The following PCDHGB5 variants were observed in gnomAD, a reference collection of about 807,000 sequenced individuals.
PCDHGB5 encodes protocadherin gamma-B5.
In PCDHGB5, 48 loss-of-function variants were observed where a neutral mutation model predicts 62.9. The ratio of observed to expected loss-of-function variants is 0.76; its 90% CI spans 0.61 to 0.97. The LOEUF (loss-of-function observed/expected upper bound fraction) is 0.97, where lower values mean the gene tolerates loss of function less well. Among genes scored for constraint, PCDHGB5 ranks in the 50% least tolerant of loss-of-function variants. The pLI is 0.00. For missense variants in PCDHGB5, 1,118 were observed against 1,198.6 expected, an observed-to-expected ratio of 0.93 and a Z score of 0.99; for synonymous variants, 474 against 511.2, an observed-to-expected ratio of 0.93 and a Z score of 0.98.
At chr5:141,437,249 T>G (rs2097870737) in intron 1 of PCDHGB5, among the ~76,000 whole-genome samples, 1 of 152,240 alleles carries the variant, frequency 6.6e-6, no homozygotes, top group African/African-American at 2.4e-5. Context: ...GGACTTTCCT[T>G]GTCTTTTTAT....
intron 1 of PCDHGB5, among the ~76,000 whole-genome samples, chr5:141,466,558 C>T (rs1407160827): frequency 6.6e-6 from 1 of 152,120 alleles, no homozygotes; most frequent in Non-Finnish European, 1.5e-5. Flanking sequence ...CTGTGGGCTT[C>T]ATCTTCAACA....
intron 1 of PCDHGB5, chr5:141,419,237 C>A (rs2096348240): frequency 6.2e-7 from 1 of 1,613,988 alleles, no homozygotes; most frequent in Non-Finnish European, 8.5e-7. Flanking sequence ...CTACCTGGTC[C>A]ACGTGCCAGA....
chr5:141,398,942 G>C lies in PCDHGB5; in HGVS notation c.815G>C (p.Gly272Ala), dbSNP rs748252181. ...LQVSATDQDE[G>A]INSEITYSFY... ...GTGTCAGCCACTGACCAAGACGAGG[G>C]CATCAACTCAGAAATTACTTATTCC... The change falls in exon 1 of 4, where the codon GGC becomes GCC. Residue 272 changes from glycine to alanine, a missense_variant. Physicochemically the swap from Gly to Ala is moderately conservative, Grantham distance 60. This residue lies in a region of PCDHGB5 where 1,034 missense variants were observed against 1,029.1 expected (regional missense o/e 1.00). Coordinates refer to ENST00000617380, the MANE Select transcript of PCDHGB5 (RefSeq NM_018925.3). 6.2e-7 allele frequency: 1 copy of C among 1,613,766 alleles called. No individual in the cohort carries two copies. Among genetic ancestry groups the C allele is most frequent in the Non-Finnish European group, 8.5e-7 (1 of 1,179,894 alleles).
intron 1 of PCDHGB5, chr5:141,415,556 CTT>C: frequency 6.2e-7 from 1 of 1,614,078 alleles, no homozygotes; most frequent in Non-Finnish European, 8.5e-7. Context: ...AAAAACGATC[CTT>C]TGTCTTTGTT....
intron 1 of PCDHGB5, chr5:141,424,664 A>G (rs923488035): frequency 1.3e-5 from 2 of 152,124 alleles, no homozygotes; most frequent in African/African-American, 4.8e-5. Context: ...CTTTAATTAA[A>G]CTGATTTAGC....
In PCDHGB5 at chr5:141,398,701, C is replaced by G. The variant is rs757215015; in HGVS notation, c.574C>G (p.Pro192Ala). Residue 192 changes from proline to alanine, a missense_variant, in exon 1 of 4, where the codon CCG becomes GCG. This residue lies in a region of PCDHGB5 where 1,034 missense variants were observed against 1,029.1 expected (regional missense o/e 1.00). Coordinates refer to ENST00000617380, the MANE Select transcript of PCDHGB5 (RefSeq NM_018925.3). ...GGAGAAACAGGATGGTAGTAAATAC[C>G]CGGAACTGGCACTGGAGAAAACCTT... is the stretch of plus-strand genomic sequence containing the variant. Reference protein sequence around the residue: ...IKEKQDGSKYPELALEKTLDR... With the variant: ...IKEKQDGSKYAELALEKTLDR... 6.2e-7 allele frequency: 1 copy of G among 1,613,658 alleles called. No homozygotes were observed. The highest frequency in any genetic ancestry group is 1.3e-5 in the African/African-American group (1 of 74,904).
chr5:141,401,353 AAGG>A (rs772220375), intron 1 of PCDHGB5, among the ~76,000 whole-genome samples: 7 of 152,166 alleles, frequency 4.6e-5, no homozygotes, highest in African/African-American at 7.2e-5. Flanking sequence ...AAAAAAAAGG[AAGG>A]AGAAGGAGAG....
chr5:141,399,237 A>G lies in PCDHGB5; in HGVS notation c.1110A>G (p.Gln370=). 1 of 1,614,002 alleles carries G rather than the reference A, an allele frequency of 6.2e-7. No homozygotes were observed. Among genetic ancestry groups the G allele is most frequent in the South Asian group, 1.1e-5 (1 of 91,076 alleles). ...TLIALIKIHD[Q]DSGENGEVNC... is the part of the protein sequence containing the mutation. Reference sequence around the variant, plus strand: ...TTGCTTTGATCAAAATACATGACCAAGATTCTGGGGAAAATGGGGAGGTTA... The same window carrying G: ...TTGCTTTGATCAAAATACATGACCAGGATTCTGGGGAAAATGGGGAGGTTA... The change falls in exon 1 of 4, where the codon CAA becomes CAG. Residue 370 remains glutamine (Q), a synonymous_variant. Transcript: ENST00000617380.
chr5:141,420,494 C>A (rs978136090), intron 1 of PCDHGB5: 1 of 499,510 alleles, frequency 2.0e-6, no homozygotes, highest in Non-Finnish European at 3.1e-6. Context: ...GGGTAATCTC[C>A]GGTGACATTT....
At chr5:141,410,526 C>T in intron 1 of PCDHGB5, 4 of 1,613,920 alleles carry the variant, frequency 2.5e-6, no homozygotes, top group Non-Finnish European at 3.4e-6. Context: ...CCCCTACATT[C>T]CAATGAAGAC....
intron 1 of PCDHGB5, chr5:141,405,289 C>G (rs1206637203): frequency 1.7e-5 from 28 of 1,614,070 alleles, no homozygotes; most frequent in Non-Finnish European, 2.4e-5. Context: ...CAGACACACT[C>G]ATCAGCCAGC....
chr5:141,399,798 G>C lies in PCDHGB5; in HGVS notation c.1671G>C (p.Arg557=). ...GCGACCGAAACGACAACGCACCGCGGGTGCTGTACCCCGCGCTGGGTCCCG... is the reference window on the plus strand; with the variant it reads ...GCGACCGAAACGACAACGCACCGCGCGTGCTGTACCCCGCGCTGGGTCCCG... The part of the protein sequence containing the change: ...LVGDRNDNAP[R]VLYPALGPDG... The change falls in exon 1 of 4, where the codon CGG becomes CGC. Residue 557 remains arginine (R), a synonymous_variant. Coordinates refer to ENST00000617380, the MANE Select transcript of PCDHGB5 (RefSeq NM_018925.3). 1 of 1,613,236 alleles carries C rather than the reference G, an allele frequency of 6.2e-7. No individual in the cohort carries two copies. Among genetic ancestry groups the C allele is most frequent in the Non-Finnish European group, 8.5e-7 (1 of 1,179,756 alleles).
At chr5:141,415,573 G>A (rs375863243) in intron 1 of PCDHGB5, 68 of 1,613,906 alleles carry the variant, frequency 4.2e-5, no homozygotes, top group Non-Finnish European at 1.2e-5. Flanking sequence ...TTTGTTAGAT[G>A]ATTCGAAGTT....
At chr5:141,442,158 A>T (rs966591795) in intron 1 of PCDHGB5, 1 of 157,594 alleles carries the variant, frequency 6.3e-6, no homozygotes, top group African/African-American at 2.4e-5. Context: ...CTCAGCGATC[A>T]CTCTGCAAAG....
intron 1 of PCDHGB5, chr5:141,427,597 T>C: frequency 1.5e-6 from 1 of 682,152 alleles, no homozygotes; most frequent in Non-Finnish European, 2.7e-6. Context: ...AGCCTCACCC[T>C]ACGCATTGGT....
chr5:141,420,336 T>C, intron 1 of PCDHGB5: 1 of 1,399,186 alleles, frequency 7.1e-7, no homozygotes, highest in East Asian at 2.5e-5. Flanking sequence ...TATTCCAATA[T>C]AGTGGTATTA....
At chr5:141,415,114 G>C (rs186848544) in intron 1 of PCDHGB5, 1 of 1,613,648 alleles carries the variant, frequency 6.2e-7, no homozygotes, top group Non-Finnish European at 8.5e-7. Flanking sequence ...GCAAAGCCTC[G>C]TAGTGGCCGT....
chr5:141,410,760 A>C, intron 1 of PCDHGB5: 1 of 1,177,482 alleles, frequency 8.5e-7, no homozygotes. Context: ...ATGTTTTTTC[A>C]ATTATAGTTT....
intron 1 of PCDHGB5, among the ~76,000 whole-genome samples, chr5:141,474,644 C>G (rs1016496399): frequency 4.6e-5 from 7 of 152,180 alleles, no homozygotes; most frequent in Non-Finnish European, 1.0e-4. Flanking sequence ...CCTATATATC[C>G]TTACTTCTTT....
Sources: allele counts gnomAD v4.1 joint callset (sites outside exome capture counted in the v4.1 genomes callset), GRCh38; gene constraint gnomAD v4.1.1; regional missense constraint gnomAD v4.1.1; transcripts MANE v1.5; gene names NCBI Gene and HGNC (gene_info 2026-07-23, HGNC 2026-07-21).